NRG1: variants seen among roughly 807,000 people sequenced by gnomAD.
NRG1 encodes neuregulin 1, also known as pro-neuregulin-1, membrane-bound isoform.
NRG1 carries 18 observed loss-of-function variants against 63.8 expected under a neutral mutation model. The ratio of observed to expected loss-of-function variants is 0.28; its 90% CI spans 0.19 to 0.42. The LOEUF is 0.42. Ranked by LOEUF, NRG1 falls within the 10% of genes least tolerant of loss-of-function variation. The pLI is 1.00. For synonymous variants in NRG1, 302 were observed against 301.3 expected (o/e 1.00, Z -0.02); for missense variants, 762 against 814.7 (o/e 0.94, Z 0.79).
chr8:32,167,150 C>G (rs1259414224), intron 1 of NRG1, among the ~76,000 whole-genome samples: 3 of 152,134 alleles, frequency 2.0e-5, no homozygotes, highest in African/African-American at 4.8e-5. Flanking sequence ...ATAAATTAAT[C>G]TAAGTGTAAG....
At chr8:32,759,150 G>A (rs1223757638) in intron 9 of NRG1, among the ~76,000 whole-genome samples, 156 bp from the exon 10 acceptor site, 1 of 152,050 alleles carries the variant, frequency 6.6e-6, no homozygotes, top group Non-Finnish European at 1.5e-5. Context: ...TTTCCACCTG[G>A]CCATTGGGGA....
chr8:31,963,109 A>G (rs1563623498), intron 1 of NRG1, among the ~76,000 whole-genome samples: 1 of 152,196 alleles, frequency 6.6e-6, no homozygotes. Context: ...TCTTTGTCGT[A>G]TTGATTACAA....
intron 5 of NRG1, among the ~76,000 whole-genome samples, chr8:32,669,062 G>A (rs1329584937): frequency 1.3e-5 from 2 of 152,150 alleles, no homozygotes; most frequent in Non-Finnish European, 2.9e-5. Context: ...GTGATATTTA[G>A]ACAACTGAGT....
At chr8:31,706,734 A>G (rs1811189651) in intron 1 of NRG1, among the ~76,000 whole-genome samples, 1 of 152,216 alleles carries the variant, frequency 6.6e-6, no homozygotes, top group South Asian at 2.1e-4. Flanking sequence ...CATTTTGCCA[A>G]TGTGATAAAT....
At chr8:31,875,841 G>C (rs1829871217) in intron 1 of NRG1, among the ~76,000 whole-genome samples, 1 of 152,138 alleles carries the variant, frequency 6.6e-6, no homozygotes, top group Non-Finnish European at 1.5e-5. Context: ...TGAGGAATTA[G>C]AGATAAGCAT....
intron 1 of NRG1, among the ~76,000 whole-genome samples, chr8:31,773,106 G>A (rs551929091): frequency 4.1e-4 from 62 of 152,224 alleles, no homozygotes; most frequent in Middle Eastern, 6.8e-3. Context: ...TAAAAGTTTA[G>A]GGTTGTGGAA....
At chr8:32,144,915 A>G (rs186967303) in intron 1 of NRG1, among the ~76,000 whole-genome samples, 6 of 152,268 alleles carry the variant, frequency 3.9e-5, no homozygotes, top group Admixed American at 3.9e-4. Context: ...TTAATATAGA[A>G]TATGAAGTTT....
intron 1 of NRG1, among the ~76,000 whole-genome samples, chr8:31,768,517 C>A (rs1818301869): frequency 6.6e-6 from 1 of 152,184 alleles, no homozygotes; most frequent in Non-Finnish European, 1.5e-5. Flanking sequence ...GAAGTTATAA[C>A]TTGTGGAACA....
chr8:31,918,647 A>G (rs1833622880), intron 1 of NRG1, among the ~76,000 whole-genome samples: 1 of 151,980 alleles, frequency 6.6e-6, no homozygotes, highest in South Asian at 2.1e-4. Context: ...CATCAAGGAT[A>G]TTGGTCTAAA....
chr8:32,649,159 C>CTTTT (rs35558760), intron 5 of NRG1, among the ~76,000 whole-genome samples: 30 of 123,338 alleles, frequency 2.4e-4, no homozygotes, highest in African/African-American at 6.8e-4. Flanking sequence ...TGAGGTACAT[C>CTTTT]TTTTTTTTTT....
At chr8:32,084,214 A>T (rs1222770245) in intron 1 of NRG1, among the ~76,000 whole-genome samples, 1 of 152,316 alleles carries the variant, frequency 6.6e-6, no homozygotes. Flanking sequence ...AACTATTTTT[A>T]GTTCCATCGT....
intron 1 of NRG1, among the ~76,000 whole-genome samples, chr8:31,885,130 C>G (rs1286150905): frequency 6.6e-6 from 1 of 152,040 alleles, no homozygotes; most frequent in South Asian, 2.1e-4. Context: ...TCATGAAGTG[C>G]AGTATGATTT....
At chr8:32,064,780 G>T (rs2130947087) in intron 1 of NRG1, among the ~76,000 whole-genome samples, 1 of 152,082 alleles carries the variant, frequency 6.6e-6, no homozygotes, top group African/African-American at 2.4e-5. Flanking sequence ...TCTTAAACCA[G>T]CAGTATAAGA....
chr8:32,177,716 C>G (rs929473163), intron 1 of NRG1, among the ~76,000 whole-genome samples: 2 of 151,758 alleles, frequency 1.3e-5, no homozygotes, highest in African/African-American at 4.8e-5. Context: ...GGCTTTAGAC[C>G]TAAATCCATC....
intron 1 of NRG1, among the ~76,000 whole-genome samples, chr8:32,368,538 T>A (rs1808384682): frequency 1.3e-5 from 2 of 152,208 alleles, no homozygotes; most frequent in Admixed American, 1.3e-4. Context: ...AGCAACAGAG[T>A]AAGTCCTCAT....
At chr8:31,955,630 A>C (rs770062852) in intron 1 of NRG1, among the ~76,000 whole-genome samples, 1 of 152,152 alleles carries the variant, frequency 6.6e-6, no homozygotes, top group Admixed American at 6.5e-5. Context: ...GAGGTCAGGG[A>C]GCCCTTGTGA....
At chr8:31,842,289 A>T (rs1826269639) in intron 1 of NRG1, among the ~76,000 whole-genome samples, 1 of 152,176 alleles carries the variant, frequency 6.6e-6, no homozygotes, top group Admixed American at 6.5e-5. Context: ...ATATTTGCTT[A>T]TATGTGTCAT....
At chr8:31,916,632 C>A (rs971956759) in intron 1 of NRG1, among the ~76,000 whole-genome samples, 58 of 152,252 alleles carry the variant, frequency 3.8e-4, no homozygotes, top group Admixed American at 8.5e-4. Flanking sequence ...GGTTCCAAGT[C>A]TTTGCTATTG....
At chr8:32,095,311 C>G (rs1272147260) in intron 1 of NRG1, among the ~76,000 whole-genome samples, 4 of 152,184 alleles carry the variant, frequency 2.6e-5, no homozygotes, top group Non-Finnish European at 4.4e-5. Context: ...AGACTGGGCT[C>G]ATTGACAACC....
Sources: gnomAD v4.1 joint callset for allele counts (sites outside exome capture counted in the v4.1 genomes callset) on GRCh38, gnomAD v4.1.1 for gene constraint, MANE v1.5 for transcripts, NCBI Gene and HGNC (gene_info 2026-07-23, HGNC 2026-07-21) for gene names.